ARHGAP26: variants seen among roughly 807,000 people sequenced by gnomAD.
ARHGAP26 encodes the protein Rho GTPase activating protein 26.
Under a neutral mutation model 104.8 loss-of-function variants are expected in ARHGAP26, and 38 were observed. That is an observed-to-expected ratio of 0.36 (90% confidence interval 0.28 to 0.48). The LOEUF (loss-of-function observed/expected upper bound fraction) is 0.48. Ranked by LOEUF, ARHGAP26 falls within the 20% of genes least tolerant of loss-of-function variation. The pLI is 0.99. For synonymous variants in ARHGAP26, 341 were observed against 340.0 expected (o/e 1.00, Z -0.03); for missense variants, 704 against 947.9 (o/e 0.74, Z 3.38).
intron 12 of ARHGAP26, among the ~76,000 whole-genome samples, chr5:143,031,710 G>C (rs964798533): frequency 6.6e-6 from 1 of 151,790 alleles, no homozygotes; most frequent in African/African-American, 2.4e-5. Flanking sequence ...CTGTCTCCCT[G>C]GCCCACCAAC....
At chr5:143,033,657 T>C (rs1215263652) in intron 12 of ARHGAP26, among the ~76,000 whole-genome samples, 1 of 152,182 alleles carries the variant, frequency 6.6e-6, no homozygotes, top group Non-Finnish European at 1.5e-5. Flanking sequence ...AGCCTTTGTC[T>C]AGGGCAGAAG....
intron 1 of ARHGAP26, among the ~76,000 whole-genome samples, chr5:142,782,021 T>C (rs1050508127): frequency 6.6e-6 from 1 of 152,166 alleles, no homozygotes; most frequent in Admixed American, 6.5e-5. Flanking sequence ...GGCCGATTCA[T>C]GGTGTTTTTG....
intron 22 of ARHGAP26, among the ~76,000 whole-genome samples, chr5:143,219,977 T>C (rs774002463): frequency 1.1e-4 from 17 of 152,230 alleles, no homozygotes; most frequent in Non-Finnish European, 1.8e-4. Context: ...GCCTCCAGTT[T>C]GGAGGGCCTC....
intron 20 of ARHGAP26, among the ~76,000 whole-genome samples, chr5:143,153,599 G>T (rs1562517501): frequency 6.6e-6 from 1 of 152,182 alleles, no homozygotes; most frequent in African/African-American, 2.4e-5. Context: ...AAACTACTAG[G>T]TAAATGCCTT....
At chr5:143,218,404 C>T (rs938547225) in intron 22 of ARHGAP26, among the ~76,000 whole-genome samples, 4 of 152,140 alleles carry the variant, frequency 2.6e-5, no homozygotes, top group African/African-American at 7.2e-5. Context: ...GTGTCTAGCA[C>T]GTGGTAGGTG....
chr5:143,057,923 C>A (rs544933709), intron 17 of ARHGAP26, 176 bp downstream of exon 17: 2 of 712,850 alleles, frequency 2.8e-6, no homozygotes, highest in South Asian at 3.0e-5. Flanking sequence ...GCAGCAAATG[C>A]CAGATGGCCT....
intron 11 of ARHGAP26, among the ~76,000 whole-genome samples, chr5:142,985,973 G>GT (rs1187342171): frequency 6.6e-6 from 1 of 152,150 alleles, no homozygotes; most frequent in Non-Finnish European, 1.5e-5. Context: ...ACATACGTGT[G>GT]TATGTGTTTT....
intron 17 of ARHGAP26, among the ~76,000 whole-genome samples, chr5:143,066,057 C>CT (rs1787435236): frequency 6.6e-6 from 1 of 152,212 alleles, no homozygotes; most frequent in Admixed American, 6.5e-5. Flanking sequence ...AACAACGTGT[C>CT]TATCAACGAT....
At chr5:143,016,933 A>G (rs1779669021) in intron 12 of ARHGAP26, among the ~76,000 whole-genome samples, 1 of 152,090 alleles carries the variant, frequency 6.6e-6, no homozygotes, top group Admixed American at 6.6e-5. Flanking sequence ...TTTACAATTT[A>G]ATGCAAACCC....
In ARHGAP26 at chr5:143,009,574, G is replaced by T. The variant is rs74970761; in HGVS notation, c.1108-4506G>T. Among the ~76,000 whole-genome samples, 501 of 152,308 alleles carry T rather than the reference G, an allele frequency of 3.3e-3. 17 individuals carry two copies. The East Asian group carries it at 0.056, about 17-fold the overall frequency. On this transcript the variant is annotated intron_variant, in intron 11 of 22. Transcript: ENST00000645722. ...ATGTCTGGCACATGGCAGGGGTTTT[G>T]TCATCATCATCATTATTAATTTCTA...
At chr5:142,881,015 A>G (rs539026662) in intron 4 of ARHGAP26, among the ~76,000 whole-genome samples, 1 of 152,350 alleles carries the variant, frequency 6.6e-6, no homozygotes, top group East Asian at 1.9e-4. Context: ...ATTTACACAA[A>G]GTCTTATTCC....
At chr5:143,199,198 C>T (rs1233291595) in intron 20 of ARHGAP26, among the ~76,000 whole-genome samples, 14 of 152,094 alleles carry the variant, frequency 9.2e-5, no homozygotes, top group Admixed American at 7.9e-4. Context: ...GAAAAGAACA[C>T]GAAACAGTCA....
At chr5:142,907,548 A>G in intron 8 of ARHGAP26, 156 bp from the exon 9 acceptor site, 1 of 388,410 alleles carries the variant, frequency 2.6e-6, no homozygotes, top group African/African-American at 2.1e-5. Context: ...ATTTCTGTCT[A>G]TTCATTCTAG....
At chr5:142,942,834 G>A (rs1307217939) in intron 11 of ARHGAP26, among the ~76,000 whole-genome samples, 1 of 152,206 alleles carries the variant, frequency 6.6e-6, no homozygotes, top group Non-Finnish European at 1.5e-5. Context: ...ATGCTGGAGT[G>A]CAGTGGTAGG....
intron 17 of ARHGAP26, among the ~76,000 whole-genome samples, chr5:143,062,450 G>A (rs1277759714): frequency 1.3e-5 from 2 of 151,624 alleles, no homozygotes; most frequent in East Asian, 1.9e-4. Context: ...TGGCATACAA[G>A]TGAGACCTTA....
chr5:142,896,031 C>A (rs1361723357), intron 6 of ARHGAP26, among the ~76,000 whole-genome samples: 1 of 152,136 alleles, frequency 6.6e-6, no homozygotes, highest in Non-Finnish European at 1.5e-5. Context: ...GGTCCCAAGT[C>A]AAAAATCCCC....
At chr5:142,771,014 TC>T in intron 1 of ARHGAP26, 99 bp downstream of exon 1, 1 of 1,471,992 alleles carries the variant, frequency 6.8e-7, no homozygotes, top group Non-Finnish European at 9.1e-7. Flanking sequence ...GGGTTTCTGC[TC>T]CCGGTACACT....
intron 14 of ARHGAP26, among the ~76,000 whole-genome samples, chr5:143,049,743 T>C (rs888637048): frequency 1.3e-5 from 2 of 152,240 alleles, no homozygotes; most frequent in South Asian, 4.1e-4. Context: ...GAGCCAACTT[T>C]CTGGTATTCT....
chr5:143,086,634 G>C (rs961801142), intron 17 of ARHGAP26, among the ~76,000 whole-genome samples: 5 of 152,180 alleles, frequency 3.3e-5, no homozygotes, highest in Non-Finnish European at 7.4e-5. Flanking sequence ...CACTGCTCTA[G>C]GGTTTATTAG....
Sources: allele counts gnomAD v4.1 joint callset (sites outside exome capture counted in the v4.1 genomes callset), GRCh38; gene constraint gnomAD v4.1.1; transcripts MANE v1.5; gene names NCBI Gene and HGNC (gene_info 2026-07-23, HGNC 2026-07-21).